HACD2: variants seen among roughly 807,000 people sequenced by gnomAD.
HACD2 encodes 3-hydroxyacyl-CoA dehydratase 2, also known as very-long-chain (3R)-3-hydroxyacyl-CoA dehydratase 2.
HACD2 carries 15 observed loss-of-function variants against 31.0 expected under a neutral mutation model. That is an observed-to-expected ratio of 0.48 (90% CI 0.32 to 0.75). The LOEUF is 0.75. HACD2 is among the 30% of genes least tolerant of loss of function. The probability of loss-of-function intolerance (pLI) is 0.03; values close to 1 mark genes in which losing one functional copy is unlikely to be tolerated. For missense variants in HACD2, 283 were observed against 313.0 expected (o/e 0.90, Z 0.72); for synonymous variants, 115 against 122.2 (o/e 0.94, Z 0.39).
chr3:123,585,045 C>CGCCA lies in HACD2; in HGVS notation c.-19_-18insTGGC, dbSNP rs1177556280. 6.8e-7 allele frequency: 1 copy of CGCCA among 1,463,604 alleles called. No individual in the cohort carries two copies. Among genetic ancestry groups the CGCCA allele is most frequent in the Non-Finnish European group, 9.0e-7 (1 of 1,110,254 alleles). 90.7% of individuals were successfully genotyped at this position (1,463,604 alleles called of 1,614,324 possible). The stretch of plus-strand genomic sequence containing the variant: ...GCCGCCATGTCAAGTGCCCGAAGCC[C>CGCCA]GCTCTCCTAGCGCGAGCGGCTCGGG... On this transcript the variant is annotated 5_prime_UTR_variant, in exon 1 of 7. Coordinates refer to ENST00000383657, the MANE Select transcript of HACD2 (RefSeq NM_198402.5).
At chr3:123,507,831 A>G (rs1195571563) in intron 4 of HACD2, among the ~76,000 whole-genome samples, 1 of 152,212 alleles carries the variant, frequency 6.6e-6, no homozygotes, top group Non-Finnish European at 1.5e-5. Context: ...AGCTTGGTAC[A>G]TTTACTAAAA....
chr3:123,557,643 A>C (rs1253638439), intron 3 of HACD2, among the ~76,000 whole-genome samples: 2 of 152,156 alleles, frequency 1.3e-5, no homozygotes, highest in African/African-American at 4.8e-5. Flanking sequence ...TCTCAAAAAA[A>C]TAAACAACAA....
intron 4 of HACD2, among the ~76,000 whole-genome samples, chr3:123,509,662 C>A (rs545054011): frequency 6.6e-6 from 1 of 152,040 alleles, no homozygotes; most frequent in African/African-American, 2.4e-5. Flanking sequence ...CCATGCCTGG[C>A]TAATTTTTTT....
intron 3 of HACD2, among the ~76,000 whole-genome samples, chr3:123,557,657 A>G (rs1363779220): frequency 6.6e-6 from 1 of 152,048 alleles, no homozygotes; most frequent in Non-Finnish European, 1.5e-5. Context: ...ACAACAAAAA[A>G]CACCTCATCA....
At chr3:123,511,930 C>A (rs35023533) in intron 4 of HACD2, among the ~76,000 whole-genome samples, 2 of 152,048 alleles carry the variant, frequency 1.3e-5, no homozygotes, top group African/African-American at 4.8e-5. Context: ...GTGAAGAGCC[C>A]GTTGCCACCC....
intron 3 of HACD2, among the ~76,000 whole-genome samples, chr3:123,552,739 G>A (rs1185250368): frequency 6.6e-6 from 1 of 151,692 alleles, no homozygotes; most frequent in Non-Finnish European, 1.5e-5. Flanking sequence ...AATAGAAATG[G>A]ACTAAAAGTG....
intron 3 of HACD2, among the ~76,000 whole-genome samples, chr3:123,531,467 G>A (rs977858803): frequency 1.8e-4 from 27 of 152,082 alleles, no homozygotes; most frequent in Non-Finnish European, 2.9e-5. Context: ...TTACAGGTAT[G>A]CACCACCATG....
At chr3:123,537,199 T>C (rs984575462) in intron 3 of HACD2, among the ~76,000 whole-genome samples, 2 of 152,224 alleles carry the variant, frequency 1.3e-5, no homozygotes, top group African/African-American at 2.4e-5. Context: ...ATGTCCTTAA[T>C]AGAGTTAAGA....
At chr3:123,505,666 C>T (rs991987370) in intron 4 of HACD2, among the ~76,000 whole-genome samples, 11 of 152,136 alleles carry the variant, frequency 7.2e-5, no homozygotes, top group African/African-American at 2.7e-4. Context: ...ACAGTCTTAT[C>T]CCAATTACTA....
intron 4 of HACD2, among the ~76,000 whole-genome samples, chr3:123,514,345 T>C (rs2056106332): frequency 6.6e-6 from 1 of 152,118 alleles, no homozygotes; most frequent in Non-Finnish European, 1.5e-5. Flanking sequence ...TTGGGGAATC[T>C]GAGTGAAGAG....
At chr3:123,532,130 A>T (rs550318413) in intron 3 of HACD2, among the ~76,000 whole-genome samples, 2 of 152,346 alleles carry the variant, frequency 1.3e-5, no homozygotes, top group African/African-American at 4.8e-5. Flanking sequence ...AGTAAATTTA[A>T]ATCTTAATAA....
At chr3:123,549,124 TAA>T (rs922584143) in intron 3 of HACD2, among the ~76,000 whole-genome samples, 1 of 151,688 alleles carries the variant, frequency 6.6e-6, no homozygotes, top group African/African-American at 2.4e-5. Context: ...CTTACTTTAT[TAA>T]ACAAGGAGTA....
intron 4 of HACD2, among the ~76,000 whole-genome samples, chr3:123,511,672 G>T (rs1016473656): frequency 6.6e-6 from 1 of 152,170 alleles, no homozygotes; most frequent in African/African-American, 2.4e-5. Context: ...TTCTAGTTGT[G>T]CATCAACTGA....
At chr3:123,544,584 T>C (rs894903976) in intron 3 of HACD2, among the ~76,000 whole-genome samples, 3 of 152,168 alleles carry the variant, frequency 2.0e-5, no homozygotes, top group African/African-American at 7.2e-5. Context: ...AATTTATCAA[T>C]GTCAGGTTTT....
At chr3:123,540,905 T>A (rs768574680) in intron 3 of HACD2, among the ~76,000 whole-genome samples, 4 of 152,322 alleles carry the variant, frequency 2.6e-5, no homozygotes, top group Non-Finnish European at 4.4e-5. Context: ...TTATTAGTAT[T>A]TCTATTTTAA....
At chr3:123,543,841 T>C (rs183817447) in intron 3 of HACD2, 2 of 185,820 alleles carry the variant, frequency 1.1e-5, no homozygotes, top group Non-Finnish European at 2.3e-5. Flanking sequence ...GCTATATTTA[T>C]AATTTATTTG....
chr3:123,504,778 T>C (rs2055952095), intron 4 of HACD2, among the ~76,000 whole-genome samples: 1 of 152,234 alleles, frequency 6.6e-6, no homozygotes, highest in Admixed American at 6.5e-5. Context: ...CAAAATCATT[T>C]CTTCCAATCA....
chr3:123,564,841 C>T (rs2056773954), intron 3 of HACD2, among the ~76,000 whole-genome samples: 1 of 152,172 alleles, frequency 6.6e-6, no homozygotes. Flanking sequence ...GATGTACAGA[C>T]AGAACAAGGT....
Position 123,540,423 on chromosome 3 carries a change from T to C in HACD2, c.293-11949A>G, listed in dbSNP as rs557137176. Among the ~76,000 whole-genome samples, 296 of 152,316 alleles carry C rather than the reference T, an allele frequency of 1.9e-3. 2 individuals carry two copies. The highest frequency in any genetic ancestry group is 6.9e-3 in the African/African-American group (288 of 41,574). ...TTGTTTACTTTTGAGGTCTCCACTC[T>C]GAAAGTCTAACCTCTGAATGAGAGC... On this transcript the variant is annotated intron_variant, in intron 3 of 6. Transcript: ENST00000383657.
Sources: gnomAD v4.1 joint callset for allele counts (sites outside exome capture counted in the v4.1 genomes callset) on GRCh38, gnomAD v4.1.1 for gene constraint, MANE v1.5 for transcripts, NCBI Gene and HGNC (gene_info 2026-07-23, HGNC 2026-07-21) for gene names.